Variants in PARD3B observed in about 807,000 individuals in gnomAD.
PARD3B encodes the protein par-3 family cell polarity regulator beta.
In PARD3B, 103 loss-of-function variants were observed where a neutral mutation model predicts 130.2. The observed-to-expected ratio is 0.79, with a 90% CI of 0.67 to 0.93. PARD3B has a LOEUF of 0.93. Ranked by LOEUF, PARD3B falls within the 40% of genes least tolerant of loss-of-function variation. PARD3B has a pLI of 0.00. For synonymous variants in PARD3B, 583 were observed against 553.2 expected (o/e 1.05, Z -0.76); for missense variants, 1,609 against 1,499.2 (o/e 1.07, Z -1.21).
intron 2 of PARD3B, among the ~76,000 whole-genome samples, chr2:204,828,460 ATTC>A (rs899140818): frequency 6.6e-6 from 1 of 152,156 alleles, no homozygotes; most frequent in African/African-American, 2.4e-5. Flanking sequence ...TCCGTAAGTA[ATTC>A]TTATTCGCAG....
At chr2:204,718,340 C>G (rs1007424051) in intron 2 of PARD3B, among the ~76,000 whole-genome samples, 2 of 152,042 alleles carry the variant, frequency 1.3e-5, no homozygotes, top group Non-Finnish European at 2.9e-5. Context: ...AGGTTTAATT[C>G]ACTCACAGTT....
chr2:204,876,679 C>T (rs2045856463), intron 2 of PARD3B, among the ~76,000 whole-genome samples: 1 of 152,136 alleles, frequency 6.6e-6, no homozygotes, highest in African/African-American at 2.4e-5. Flanking sequence ...TAACCCCAGG[C>T]ACTCCTAATC....
chr2:205,082,154 A>G (rs1701455700), intron 4 of PARD3B, among the ~76,000 whole-genome samples: 1 of 152,208 alleles, frequency 6.6e-6, no homozygotes, highest in Non-Finnish European at 1.5e-5. Context: ...ATTGGCATAA[A>G]TAATAGAATT....
At chr2:204,698,896 C>T (rs762150261) in intron 2 of PARD3B, among the ~76,000 whole-genome samples, 9 of 151,920 alleles carry the variant, frequency 5.9e-5, no homozygotes, top group Non-Finnish European at 1.0e-4. Flanking sequence ...CTATTTACAT[C>T]AAGAAACTGG....
At chr2:204,840,955 A>G (rs2044239401) in intron 2 of PARD3B, among the ~76,000 whole-genome samples, 1 of 152,186 alleles carries the variant, frequency 6.6e-6, no homozygotes, top group South Asian at 2.1e-4. Flanking sequence ...AGGGTCAGGC[A>G]TCCACTAGGG....
chr2:204,661,959 A>G (rs1189397371), intron 1 of PARD3B, among the ~76,000 whole-genome samples: 4 of 152,196 alleles, frequency 2.6e-5, no homozygotes, highest in Admixed American at 6.5e-5. Context: ...TACTCTTTTC[A>G]GGTAATTTTG....
At chr2:204,554,419 A>G (rs966791768) in intron 1 of PARD3B, among the ~76,000 whole-genome samples, 1 of 152,030 alleles carries the variant, frequency 6.6e-6, no homozygotes, top group Admixed American at 6.6e-5. Context: ...TAAGCATGTC[A>G]TTAAATGGCA....
intron 2 of PARD3B, among the ~76,000 whole-genome samples, chr2:204,741,297 G>A (rs764096331): frequency 6.6e-6 from 1 of 152,120 alleles, no homozygotes; most frequent in Admixed American, 6.6e-5. Context: ...CTTTCTCAAA[G>A]GAAAGAAATA....
chr2:205,326,321 A>C (rs2042937625), intron 18 of PARD3B, among the ~76,000 whole-genome samples: 1 of 152,200 alleles, frequency 6.6e-6, no homozygotes, highest in Admixed American at 6.5e-5. Flanking sequence ...TCTCAACTGC[A>C]TAATCTAAAG....
At position 205,619,954 on chromosome 2, in the gene PARD3B, C is replaced by T. The variant is rs1433115262; in HGVS notation, c.*4141C>T. 3 of 152,046 alleles carry T rather than the reference C, an allele frequency of 2.0e-5. No individual in the cohort carries two copies. The highest frequency in any genetic ancestry group is 7.2e-5 in the African/African-American group (3 of 41,402). 9.4% of individuals were successfully genotyped at this position (152,046 alleles called of 1,614,324 possible). On this transcript the variant is annotated 3_prime_UTR_variant, in exon 23 of 23. Transcript: ENST00000406610. ...ATCACTTTTTCTGGTGTTTCCTGTG[C>T]TTTTGTGATTCCAAGTCTGTTCATA...
chr2:205,395,797 G>A (rs1049487322), intron 18 of PARD3B, among the ~76,000 whole-genome samples: 1 of 152,080 alleles, frequency 6.6e-6, no homozygotes, highest in African/African-American at 2.4e-5. Flanking sequence ...GCATCAGGAT[G>A]GTCTTTTTAA....
intron 20 of PARD3B, among the ~76,000 whole-genome samples, chr2:205,445,932 C>T (rs2047891219): frequency 6.6e-6 from 1 of 152,162 alleles, no homozygotes; most frequent in Non-Finnish European, 1.5e-5. Context: ...CAGTACTGGA[C>T]TCACCAGGGA....
intron 3 of PARD3B, among the ~76,000 whole-genome samples, chr2:204,988,803 T>C (rs566755661): frequency 6.6e-6 from 1 of 152,314 alleles, no homozygotes; most frequent in South Asian, 2.1e-4. Flanking sequence ...GAGAGAAATT[T>C]ACAAGAAATG....
intron 20 of PARD3B, among the ~76,000 whole-genome samples, chr2:205,489,739 C>T (rs372088402): frequency 6.6e-6 from 1 of 151,930 alleles, no homozygotes; most frequent in African/African-American, 2.4e-5. Flanking sequence ...TTATTTGTTA[C>T]TGGCTTATTA....
At chr2:205,399,981 G>A (rs992989211) in intron 18 of PARD3B, among the ~76,000 whole-genome samples, 24 of 152,094 alleles carry the variant, frequency 1.6e-4, no homozygotes, top group African/African-American at 5.3e-4. Context: ...GTCAAGGTTC[G>A]ACACCTCTCA....
intron 1 of PARD3B, among the ~76,000 whole-genome samples, chr2:204,615,511 CATCAGAAAA>C (rs1413185423): frequency 6.6e-6 from 1 of 152,168 alleles, no homozygotes; most frequent in East Asian, 1.9e-4. Flanking sequence ...CCATCAGTCT[CATCAGAAAA>C]ATCAGAAAAA....
intron 18 of PARD3B, among the ~76,000 whole-genome samples, chr2:205,355,741 T>G (rs6756234): frequency 1.3e-5 from 2 of 152,138 alleles, no homozygotes; most frequent in East Asian, 1.9e-4. Flanking sequence ...GGAAAGAGGT[T>G]TAATTGGCTC....
intron 1 of PARD3B, among the ~76,000 whole-genome samples, chr2:204,599,695 A>C (rs960224737): frequency 6.6e-6 from 1 of 151,858 alleles, no homozygotes; most frequent in African/African-American, 2.4e-5. Flanking sequence ...TTTCTTTGGT[A>C]AATGCCCAAT....
At chr2:205,028,834 C>T (rs947006652) in intron 3 of PARD3B, among the ~76,000 whole-genome samples, 9 of 152,066 alleles carry the variant, frequency 5.9e-5, no homozygotes, top group Non-Finnish European at 1.0e-4. Context: ...CAGTAAAGTT[C>T]GGGATATAAA....
Sources: gnomAD v4.1 joint callset for allele counts (sites outside exome capture counted in the v4.1 genomes callset) on GRCh38, gnomAD v4.1.1 for gene constraint, MANE v1.5 for transcripts, NCBI Gene and HGNC (gene_info 2026-07-23, HGNC 2026-07-21) for gene names.